The following UFL1 variants were observed in gnomAD, a reference collection of about 807,000 sequenced individuals.
UFL1 encodes the protein UFM1 specific ligase 1.
UFL1 carries 78 observed loss-of-function variants against 99.3 expected under a neutral mutation model. The ratio of observed to expected loss-of-function variants is 0.79; its 90% confidence interval spans 0.65 to 0.95. UFL1 has a LOEUF of 0.95. UFL1 is among the 40% of genes least tolerant of loss of function. The pLI is 0.00. For synonymous variants in UFL1, 335 were observed against 322.2 expected (o/e 1.04, Z -0.42); for missense variants, 936 against 937.0 (o/e 1.00, Z 0.01).
At chr6:96,550,208 C>T (rs942009689) in intron 15 of UFL1, among the ~76,000 whole-genome samples, 2 of 151,742 alleles carry the variant, frequency 1.3e-5, no homozygotes, top group Non-Finnish European at 2.9e-5. Context: ...AATTCAAAAG[C>T]TCATCTCCTC....
At position 96,553,504 on chromosome 6, in the gene UFL1, T is replaced by G. The variant is rs1399974092; in HGVS notation, c.*1T>G. On this transcript the variant is annotated 3_prime_UTR_variant, in exon 19 of 19. Transcript: ENST00000369278. The stretch of plus-strand genomic sequence containing the variant: ...GAAATCATCTGTGACGGAAGAGTAA[T>G]GATCTTAATTTACATTTGTCATATA... The G allele has an allele frequency of 5.0e-6, 8 of 1,611,732 alleles. No individual in the cohort carries two copies. In the East Asian group the frequency reaches 1.6e-4, roughly 32 times the overall value.
chr6:96,539,421 T>C (rs1476640861), intron 10 of UFL1, among the ~76,000 whole-genome samples: 1 of 151,622 alleles, frequency 6.6e-6, no homozygotes, highest in Non-Finnish European at 1.5e-5. Context: ...TTTAAACTGT[T>C]AATAAATTCA....
chr6:96,535,097 T>C (rs1298258402), intron 7 of UFL1, among the ~76,000 whole-genome samples: 2 of 152,032 alleles, frequency 1.3e-5, no homozygotes, highest in Non-Finnish European at 2.9e-5. Flanking sequence ...TTCACAACTT[T>C]GTTCAGAATT....
intron 12 of UFL1, among the ~76,000 whole-genome samples, chr6:96,547,406 A>G (rs750616242): frequency 1.3e-5 from 2 of 151,634 alleles, no homozygotes; most frequent in Non-Finnish European, 3.0e-5. Context: ...GGAAAACAGT[A>G]TGGAGATTTC....
Position 96,542,980 on chromosome 6 carries a change from G to A in UFL1, c.1366G>A (p.Asp456Asn). ...KKVKKKGRKD[D>N]DSDDESQSSH... ...AGTCAAGAAGAAAGGAAGAAAAGAT[G>A]ATGATAGTGATGATGAATCTCAATC... is the stretch of plus-strand genomic sequence containing the variant. The change falls in exon 12 of 19, where the codon GAT (aspartate) becomes AAT (asparagine). Residue 456 changes from aspartate (D) to asparagine (N), a missense_variant. Physicochemically the swap from Asp to Asn is conservative, Grantham distance 23. Coordinates refer to ENST00000369278, the MANE Select transcript of UFL1 (RefSeq NM_015323.5). 1 of 1,597,806 alleles carries A rather than the reference G, an allele frequency of 6.3e-7. No homozygotes were observed.
At chr6:96,552,162 A>T (rs1055798786) in intron 17 of UFL1, among the ~76,000 whole-genome samples, 1 of 152,078 alleles carries the variant, frequency 6.6e-6, no homozygotes. Flanking sequence ...AAGCCCAGGA[A>T]CTTTTTATTA....
rs934488431 is a variant in UFL1 at position 96,548,176 on chromosome 6, C to T, written c.1415C>T (p.Pro472Leu). The T allele has an allele frequency of 6.3e-7, 1 of 1,592,816 alleles. No homozygotes were observed. The highest frequency in any genetic ancestry group is 8.6e-7 in the Non-Finnish European group (1 of 1,169,106). ...SQSSHTGKKKPEISFMFQDEI... is the reference protein window; with the variant it reads ...SQSSHTGKKKLEISFMFQDEI... ...ATGTCCGATATAGGAAAGAAGAAGC[C>T]AGAGATCAGTTTTATGTTCCAGGAT... The change falls in exon 13 of 19, where the codon CCA becomes CTA. Residue 472 changes from proline (P) to leucine (L), a missense_variant. Pro to Leu is a moderately conservative substitution (Grantham distance 98). Transcript: ENST00000369278.
At chr6:96,545,158 A>G (rs577333993) in intron 12 of UFL1, among the ~76,000 whole-genome samples, 1 of 151,202 alleles carries the variant, frequency 6.6e-6, no homozygotes, top group South Asian at 2.1e-4. Context: ...TAAAGCTAGC[A>G]TGTCAACTCC....
At chr6:96,551,655 A>G in intron 16 of UFL1, 142 bp downstream of exon 16, 1 of 730,982 alleles carries the variant, frequency 1.4e-6, no homozygotes, top group South Asian at 2.2e-5. Flanking sequence ...AAATGAGAAG[A>G]GAAGACCAAG....
chr6:96,549,722 A>G lies in UFL1; in HGVS notation c.1741A>G (p.Ile581Val), dbSNP rs1562257039. ...CTTGCTGAAGTCAGTGTGTACTGAT[A>G]TCACTAACCTCATTTTCAACTTCTT... The part of the protein sequence containing the change: ...KHLLKSVCTD[I>V]TNLIFNFLAS... Residue 581 changes from isoleucine to valine, a missense_variant, in exon 15 of 19, where the codon ATC becomes GTC. By Grantham distance (29) the Ile-to-Val change is conservative. Transcript: ENST00000369278. 1 of 1,612,448 alleles carries G rather than the reference A, an allele frequency of 6.2e-7. No homozygotes were observed. The highest frequency in any genetic ancestry group is 8.5e-7 in the Non-Finnish European group (1 of 1,178,898).
chr6:96,531,557 C>G (rs571215266), intron 6 of UFL1, among the ~76,000 whole-genome samples: 7 of 152,248 alleles, frequency 4.6e-5, no homozygotes, highest in Middle Eastern at 3.4e-3. Context: ...GCCACATCAC[C>G]CTCCTAACAC....
intron 12 of UFL1, among the ~76,000 whole-genome samples, chr6:96,547,626 A>G (rs1582445480): frequency 6.6e-6 from 1 of 151,672 alleles, no homozygotes; most frequent in Non-Finnish European, 1.5e-5. Context: ...ATGGAATACA[A>G]TGTAGCCATT....
intron 12 of UFL1, among the ~76,000 whole-genome samples, chr6:96,546,816 A>G (rs1770007685): frequency 6.6e-6 from 1 of 151,088 alleles, no homozygotes. Context: ...ACTGTATCCT[A>G]TCTCGTCATA....
chr6:96,545,998 T>G (rs184268685), intron 12 of UFL1, among the ~76,000 whole-genome samples: 20 of 151,254 alleles, frequency 1.3e-4, no homozygotes, highest in African/African-American at 3.9e-4. Context: ...CTATTCAACG[T>G]AGTACTAGAA....
intron 2 of UFL1, among the ~76,000 whole-genome samples, chr6:96,523,974 G>A (rs980629221): frequency 6.6e-6 from 1 of 151,672 alleles, no homozygotes. Flanking sequence ...TTACTTAACA[G>A]ATTTTCTTAT....
rs1770117607 is a variant in UFL1 at position 96,553,876 on chromosome 6, C to G, written c.*373C>G. 1.2e-5 allele frequency: 2 copies of G among 170,550 alleles called. No individual in the cohort carries two copies. The highest frequency in any genetic ancestry group is 4.8e-5 in the African/African-American group (2 of 41,870). The allele number at this position is 170,550 out of a possible 1,614,324, so 10.6% of individuals were successfully genotyped here. On this transcript the variant is annotated 3_prime_UTR_variant, in exon 19 of 19. Coordinates refer to ENST00000369278, the MANE Select transcript of UFL1 (RefSeq NM_015323.5). ...GGAAGGATTCATTTGTTGCGAGTGC[C>G]AGTATACTTAAATGTATACTTTATA...
chr6:96,539,473 TCTC>T lies in UFL1; in HGVS notation c.1158+666_1158+668del, dbSNP rs202111944. Among the ~76,000 whole-genome samples the T allele has an allele frequency of 7.2e-3, 1,088 of 151,708 alleles. 10 individuals carry two copies. Among genetic ancestry groups the T allele is most frequent in the African/African-American group, 0.022 (919 of 41,470 alleles). The stretch of plus-strand genomic sequence containing the variant: ...ATGTAAATAGTTTATACTTAGCTGT[TCTC>T]CTTCTAAGCTCTTTAATAGTCTAAA... On this transcript the variant is annotated intron_variant, in intron 10 of 18. Coordinates refer to ENST00000369278, the MANE Select transcript of UFL1 (RefSeq NM_015323.5).
chr6:96,521,964 C>T lies in UFL1; in HGVS notation c.77+14C>T. Reference sequence around the variant, plus strand: ...GGCCACGCAGAGGTGCCCGACCCTCCCTCTCCTTTGTGGAGCCCAAATTAG... The same window carrying T: ...GGCCACGCAGAGGTGCCCGACCCTCTCTCTCCTTTGTGGAGCCCAAATTAG... On this transcript the variant is annotated intron_variant, in intron 1 of 18. Transcript: ENST00000369278. 6.2e-7 allele frequency: 1 copy of T among 1,609,044 alleles called. No homozygotes were observed. The highest frequency in any genetic ancestry group is 8.5e-7 in the Non-Finnish European group (1 of 1,177,954).
At chr6:96,524,515 TTA>T in intron 3 of UFL1, 105 bp downstream of exon 3, 1 of 856,800 alleles carries the variant, frequency 1.2e-6, no homozygotes, top group Non-Finnish European at 1.7e-6. Context: ...TGTGTAGTGT[TTA>T]TAAAGAAATA....
Sources: gnomAD v4.1 joint callset for allele counts (sites outside exome capture counted in the v4.1 genomes callset) on GRCh38, gnomAD v4.1.1 for gene constraint, MANE v1.5 for transcripts, NCBI Gene and HGNC (gene_info 2026-07-23, HGNC 2026-07-21) for gene names.